GALNT10: variants seen among roughly 807,000 people sequenced by gnomAD.
GALNT10 encodes the protein GalNAc transferase 10.
In GALNT10, 41 loss-of-function variants were observed where a neutral mutation model predicts 75.0. The observed-to-expected ratio is 0.55, with a 90% CI of 0.43 to 0.71. The LOEUF (loss-of-function observed/expected upper bound fraction) is 0.71, where lower values mean the gene tolerates loss of function less well. Ranked by LOEUF, GALNT10 falls within the 30% of genes least tolerant of loss-of-function variation. The pLI is 0.00. For synonymous variants in GALNT10, 302 were observed against 313.0 expected (o/e 0.96, Z 0.37); for missense variants, 727 against 818.5 (o/e 0.89, Z 1.36).
At chr5:154,315,979 A>G (rs1754589704) in intron 3 of GALNT10, among the ~76,000 whole-genome samples, 1 of 152,220 alleles carries the variant, frequency 6.6e-6, no homozygotes, top group Admixed American at 6.5e-5. Flanking sequence ...CTATATAGCT[A>G]ATAACCTTTG....
chr5:154,307,644 T>C (rs1490159574), intron 3 of GALNT10, among the ~76,000 whole-genome samples: 1 of 147,562 alleles, frequency 6.8e-6, no homozygotes, highest in Non-Finnish European at 1.5e-5. Context: ...AAAGAAATAA[T>C]TCTATACAAA....
At chr5:154,288,960 A>T (rs1754151566) in intron 1 of GALNT10, among the ~76,000 whole-genome samples, 1 of 152,206 alleles carries the variant, frequency 6.6e-6, no homozygotes, top group Non-Finnish European at 1.5e-5. Flanking sequence ...CGATGTGGGC[A>T]TATGACATCC....
Position 154,376,557 on chromosome 5 carries a change from C to A in GALNT10, c.754+95C>A. 1.2e-6 allele frequency: 1 copy of A among 845,596 alleles called. No individual in the cohort carries two copies. Among genetic ancestry groups the A allele is most frequent in the South Asian group, 1.9e-5 (1 of 52,322 alleles). 52.4% of individuals were successfully genotyped at this position (845,596 alleles called of 1,614,324 possible). A position where few individuals can be genotyped will look rare whatever the true frequency, so the allele number is the denominator to read the frequency against. On this transcript the variant is annotated intron_variant, in intron 5 of 11. Transcript: ENST00000297107. The surrounding 1 kb of genome is among the most constrained non-coding windows in gnomAD (Gnocchi z 4.1). The stretch of plus-strand genomic sequence containing the variant: ...GCAGGGAGCCATCCATAAGCCTTCC[C>A]TTGCCTGTTCGAGATGCCCCCAGCA...
intron 6 of GALNT10, among the ~76,000 whole-genome samples, chr5:154,382,891 G>A (rs1361749626): frequency 6.6e-6 from 1 of 152,202 alleles, no homozygotes. Flanking sequence ...GTCTTCTGGG[G>A]CTTCAGTCTC....
At chr5:154,257,008 C>T (rs1052984447) in intron 1 of GALNT10, among the ~76,000 whole-genome samples, 1 of 152,064 alleles carries the variant, frequency 6.6e-6, no homozygotes, top group Admixed American at 6.6e-5. Context: ...TTACAGGTGG[C>T]TCATTCCTGT....
chr5:154,413,760 T>C (rs977685754), intron 10 of GALNT10, among the ~76,000 whole-genome samples: 5 of 152,140 alleles, frequency 3.3e-5, no homozygotes, highest in African/African-American at 9.7e-5. Flanking sequence ...TGGAGTGACA[T>C]TGGGATAAAC....
intron 1 of GALNT10, among the ~76,000 whole-genome samples, chr5:154,238,998 G>GGTCA (rs1753291656): frequency 6.6e-6 from 1 of 152,126 alleles, no homozygotes; most frequent in East Asian, 1.9e-4. Flanking sequence ...TCTCAGGGCT[G>GGTCA]GTCAGTGTCA....
chr5:154,330,650 A>G (rs1754842345), intron 4 of GALNT10, among the ~76,000 whole-genome samples: 1 of 152,164 alleles, frequency 6.6e-6, no homozygotes, highest in Non-Finnish European at 1.5e-5. Context: ...CTAAGAGGAA[A>G]TTGCCCTTCA....
At chr5:154,232,198 G>A (rs1370050035) in intron 1 of GALNT10, among the ~76,000 whole-genome samples, 1 of 152,212 alleles carries the variant, frequency 6.6e-6, no homozygotes, top group Non-Finnish European at 1.5e-5. Context: ...CTCCAGGCAA[G>A]CCACTTAACC....
intron 1 of GALNT10, among the ~76,000 whole-genome samples, chr5:154,229,099 C>A (rs1420169636): frequency 4.6e-5 from 7 of 152,120 alleles, no homozygotes; most frequent in Non-Finnish European, 1.5e-5. Flanking sequence ...GGATTGATTG[C>A]ATTTTTGTTA....
chr5:154,219,145 C>A (rs78972055), intron 1 of GALNT10, among the ~76,000 whole-genome samples: 1 of 152,176 alleles, frequency 6.6e-6, no homozygotes, highest in South Asian at 2.1e-4. Flanking sequence ...TCGCCTTTGG[C>A]TCCCAATGTA....
At chr5:154,251,821 T>A (rs143121127) in intron 1 of GALNT10, among the ~76,000 whole-genome samples, 1 of 152,170 alleles carries the variant, frequency 6.6e-6, no homozygotes, top group Non-Finnish European at 1.5e-5. Context: ...AGACCACAAA[T>A]TGGGCATTAG....
intron 4 of GALNT10, among the ~76,000 whole-genome samples, chr5:154,364,398 T>G (rs1755443755): frequency 1.3e-5 from 2 of 152,252 alleles, no homozygotes; most frequent in South Asian, 4.1e-4. Context: ...CAGATTAGTC[T>G]CTGGTAGGGG....
intron 2 of GALNT10, among the ~76,000 whole-genome samples, chr5:154,297,631 G>C (rs948259089): frequency 6.6e-6 from 1 of 152,180 alleles, no homozygotes; most frequent in Non-Finnish European, 1.5e-5. Context: ...AGTGAGGGGA[G>C]CATGGGTTTT....
intron 4 of GALNT10, among the ~76,000 whole-genome samples, chr5:154,370,677 CT>C (rs1755550196): frequency 6.6e-6 from 1 of 152,186 alleles, no homozygotes; most frequent in African/African-American, 2.4e-5. Flanking sequence ...GGAACAGAGA[CT>C]GACTGTGCAC....
chr5:154,253,420 A>G (rs1023165033), intron 1 of GALNT10, among the ~76,000 whole-genome samples: 23 of 151,336 alleles, frequency 1.5e-4, no homozygotes, highest in Non-Finnish European at 3.1e-4. Context: ...AAGGGATAGC[A>G]TTAGGAGATA....
At chr5:154,278,850 A>G (rs1225182298) in intron 1 of GALNT10, among the ~76,000 whole-genome samples, 1 of 152,206 alleles carries the variant, frequency 6.6e-6, no homozygotes, top group African/African-American at 2.4e-5. Flanking sequence ...GTCAAGGTCT[A>G]TCCATGTTGT....
intron 1 of GALNT10, among the ~76,000 whole-genome samples, chr5:154,202,439 C>G (rs1465416): frequency 0.48 from 73,215 of 152,032 alleles, 18,412 homozygotes; most frequent in African/African-American, 0.56. Context: ...TTACTGCGTG[C>G]TATGCACTGT....
At chr5:154,314,243 C>A (rs1754566748) in intron 3 of GALNT10, among the ~76,000 whole-genome samples, 1 of 152,122 alleles carries the variant, frequency 6.6e-6, no homozygotes, top group South Asian at 2.1e-4. Context: ...CAAGGTGACC[C>A]AGCCACTAAG....
Sources: allele counts gnomAD v4.1 joint callset (sites outside exome capture counted in the v4.1 genomes callset), GRCh38; gene constraint gnomAD v4.1.1; non-coding constraint Gnocchi (gnomAD v3.1); transcripts MANE v1.5; gene names NCBI Gene and HGNC (gene_info 2026-07-23, HGNC 2026-07-21).